Variants in FREM2 observed in about 807,000 individuals in gnomAD.
The protein encoded by FREM2 is FRAS1-related extracellular matrix protein 2.
In FREM2, 119 loss-of-function variants were observed where a neutral mutation model predicts 219.9. The ratio of observed to expected loss-of-function variants is 0.54; its 90% CI spans 0.47 to 0.63. The LOEUF is 0.63. Among genes scored for constraint, FREM2 ranks in the 30% least tolerant of loss-of-function variants. The probability of loss-of-function intolerance (pLI) is 0.00; values close to 1 mark genes in which losing one functional copy is unlikely to be tolerated. For synonymous variants in FREM2, 1,562 were observed against 1,522.8 expected, an observed-to-expected ratio of 1.03 and a Z score of -0.60; for missense variants, 4,030 against 3,993.6, an observed-to-expected ratio of 1.01 and a Z score of -0.25.
At chr13:38,731,056 G>C (rs1283280802) in intron 2 of FREM2, among the ~76,000 whole-genome samples, 2 of 151,894 alleles carry the variant, frequency 1.3e-5, no homozygotes, top group Non-Finnish European at 2.9e-5. Flanking sequence ...AAAGCTTAAT[G>C]CTCATTGTTC....
At chr13:38,853,169 A>T (rs1593446626) in intron 11 of FREM2, among the ~76,000 whole-genome samples, 1 of 151,896 alleles carries the variant, frequency 6.6e-6, no homozygotes, top group African/African-American at 2.4e-5. Flanking sequence ...CTCTACTAAA[A>T]ATATAAAAAT....
At chr13:38,825,891 C>T (rs953439474) in intron 6 of FREM2, among the ~76,000 whole-genome samples, 2 of 152,050 alleles carry the variant, frequency 1.3e-5, no homozygotes, top group African/African-American at 2.4e-5. Flanking sequence ...ATATATTAGA[C>T]AGGTTTTTAT....
At chr13:38,760,968 C>G (rs1346614125) in intron 2 of FREM2, among the ~76,000 whole-genome samples, 1 of 151,930 alleles carries the variant, frequency 6.6e-6, no homozygotes, top group Non-Finnish European at 1.5e-5. Context: ...AAAGAGAAGC[C>G]CTCAGTGACT....
intron 2 of FREM2, among the ~76,000 whole-genome samples, chr13:38,700,093 A>C (rs1162801040): frequency 6.6e-6 from 1 of 152,110 alleles, no homozygotes; most frequent in South Asian, 2.1e-4. Context: ...AACAGTAACT[A>C]TCTAAGGAAA....
At chr13:38,727,457 T>A (rs534424489) in intron 2 of FREM2, among the ~76,000 whole-genome samples, 3 of 152,292 alleles carry the variant, frequency 2.0e-5, no homozygotes, top group Middle Eastern at 3.4e-3. Context: ...CCAGCCTGGA[T>A]GAGAGAGTGA....
rs935999615 is a variant in FREM2 at position 38,736,486 on chromosome 13, A to G, written c.5264-27818A>G. ...ATATTTCATTATAAGATTTTATGTT[A>G]TTTTAACATGTGAAACCTTTTTGAC... On this transcript the variant is annotated intron_variant, in intron 2 of 23. Coordinates refer to ENST00000280481, the MANE Select transcript of FREM2 (RefSeq NM_207361.6). Among the ~76,000 whole-genome samples, 15 of 152,208 alleles carry G rather than the reference A, an allele frequency of 9.9e-5. 1 individual carries two copies. Among genetic ancestry groups the G allele is most frequent in the Admixed American group, 7.2e-4 (11 of 15,282 alleles).
At chr13:38,792,907 A>G (rs998124104) in intron 6 of FREM2, among the ~76,000 whole-genome samples, 4 of 152,234 alleles carry the variant, frequency 2.6e-5, no homozygotes, top group African/African-American at 7.2e-5. Context: ...AAGCAAATAC[A>G]GTGGTGCCCT....
intron 2 of FREM2, among the ~76,000 whole-genome samples, chr13:38,732,591 G>A (rs1871813722): frequency 6.6e-6 from 1 of 152,170 alleles, no homozygotes; most frequent in Non-Finnish European, 1.5e-5. Flanking sequence ...CGGGGGAACT[G>A]ACAAATCAGA....
At chr13:38,840,644 A>G (rs9548483) in intron 6 of FREM2, among the ~76,000 whole-genome samples, 21,445 of 134,268 alleles carry the variant, frequency 0.16, 1,881 homozygotes, top group Admixed American at 0.26. Flanking sequence ...ATATATATAT[A>G]TGTGTATGTA....
At chr13:38,700,947 A>G (rs934771937) in intron 2 of FREM2, among the ~76,000 whole-genome samples, 4 of 152,086 alleles carry the variant, frequency 2.6e-5, no homozygotes, top group African/African-American at 9.7e-5. Flanking sequence ...GTAGTGCCCT[A>G]AACTTTGTAG....
chr13:38,871,573 A>AT (rs1198017830), intron 16 of FREM2, among the ~76,000 whole-genome samples: 1 of 152,206 alleles, frequency 6.6e-6, no homozygotes, highest in East Asian at 1.9e-4. Flanking sequence ...TAGAAAAAAA[A>AT]CATGGGCCAA....
At chr13:38,835,575 G>A (rs1229774734) in intron 6 of FREM2, among the ~76,000 whole-genome samples, 1 of 152,236 alleles carries the variant, frequency 6.6e-6, no homozygotes, top group African/African-American at 2.4e-5. Context: ...TCCTATCCAT[G>A]AGCATGGAAT....
chr13:38,743,571 G>C (rs1250751463), intron 2 of FREM2, among the ~76,000 whole-genome samples: 6 of 152,142 alleles, frequency 3.9e-5, no homozygotes. Flanking sequence ...AATGGTATGA[G>C]GGAGGCTATT....
chr13:38,791,523 T>A (rs901544012), intron 6 of FREM2, among the ~76,000 whole-genome samples: 2 of 152,160 alleles, frequency 1.3e-5, no homozygotes, highest in African/African-American at 4.8e-5. Context: ...CAGTTCCACA[T>A]GCCCGGGAAG....
intron 9 of FREM2, among the ~76,000 whole-genome samples, 177 bp downstream of exon 9, chr13:38,850,412 T>C (rs1877328495): frequency 1.3e-5 from 2 of 152,254 alleles, no homozygotes; most frequent in South Asian, 4.1e-4. Context: ...GCCCTTTTGG[T>C]ATCTGCATTA....
chr13:38,813,115 C>T lies in FREM2; in HGVS notation c.6019+28307C>T, dbSNP rs1252844995. 3.3e-5 allele frequency among the ~76,000 whole-genome samples: 5 copies of T among 152,128 alleles called. No individual in the cohort carries two copies. The South Asian group carries it at 8.3e-4, about 25-fold the overall frequency. Reference sequence around the variant, plus strand: ...ATAACACCACAATTACAGTGTTATACTATTCTGTGTTTTTCTGTCTGCTTC... The same window carrying T: ...ATAACACCACAATTACAGTGTTATATTATTCTGTGTTTTTCTGTCTGCTTC... On this transcript the variant is annotated intron_variant, in intron 6 of 23. Coordinates refer to ENST00000280481, the MANE Select transcript of FREM2 (RefSeq NM_207361.6).
Position 38,864,437 on chromosome 13 carries a change from T to G in FREM2, c.7814T>G (p.Ile2605Arg). 6.2e-7 allele frequency: 1 copy of G among 1,614,174 alleles called. No individual in the cohort carries two copies. The highest frequency in any genetic ancestry group is 8.5e-7 in the Non-Finnish European group (1 of 1,180,030). The change falls in exon 16 of 24, where the codon ATA becomes AGA. Residue 2605 changes from isoleucine (I) to arginine (R), a missense_variant. Ile to Arg is a moderately conservative substitution (Grantham distance 97). Coordinates refer to ENST00000280481, the MANE Select transcript of FREM2 (RefSeq NM_207361.6). Reference sequence around the variant, plus strand: ...ACTGATGCTACCAAAAATCCAGAAATAATTGGAGAGACATATCCTTACCAG... The same window carrying G: ...ACTGATGCTACCAAAAATCCAGAAAGAATTGGAGAGACATATCCTTACCAG... Reference protein sequence around the residue: ...FLTDATKNPEIIGETYPYQYS... With the variant: ...FLTDATKNPERIGETYPYQYS...
chr13:38,849,151 G>A (rs1877277060), intron 8 of FREM2, among the ~76,000 whole-genome samples: 1 of 152,112 alleles, frequency 6.6e-6, no homozygotes, highest in Non-Finnish European at 1.5e-5. Flanking sequence ...GAATTTGAGA[G>A]GAACACAGTC....
intron 16 of FREM2, among the ~76,000 whole-genome samples, chr13:38,867,585 G>A (rs763906568): frequency 1.8e-4 from 27 of 152,164 alleles, no homozygotes; most frequent in Non-Finnish European, 2.5e-4. Flanking sequence ...TCACGAGATC[G>A]TAGAGACTGA....
Sources: gnomAD v4.1 joint callset for allele counts (sites outside exome capture counted in the v4.1 genomes callset) on GRCh38, gnomAD v4.1.1 for gene constraint, MANE v1.5 for transcripts, NCBI Gene and HGNC (gene_info 2026-07-23, HGNC 2026-07-21) for gene names.